The following ABCA8 variants were observed in gnomAD, a reference collection of about 807,000 sequenced individuals.
ABCA8 encodes the protein ABC-type organic anion transporter ABCA8.
ABCA8 carries 177 observed loss-of-function variants against 192.3 expected under a neutral mutation model. The observed-to-expected ratio is 0.92, with a 90% CI of 0.81 to 1.04. The LOEUF (loss-of-function observed/expected upper bound fraction) is 1.04. Ranked by LOEUF, ABCA8 falls within the 50% of genes least tolerant of loss-of-function variation. The pLI is 0.00. For missense variants in ABCA8, 1,915 were observed against 1,904.8 expected, an observed-to-expected ratio of 1.01 and a Z score of -0.10; for synonymous variants, 642 against 690.2, an observed-to-expected ratio of 0.93 and a Z score of 1.09.
chr17:68,917,073 T>C (rs1240370392), intron 17 of ABCA8, among the ~76,000 whole-genome samples: 6 of 151,812 alleles, frequency 4.0e-5, no homozygotes, highest in African/African-American at 1.5e-4. Context: ...ATCGAGACCA[T>C]CCTGGCCAAC....
chr17:68,919,602 A>G lies in ABCA8; in HGVS notation c.1613-126T>C, dbSNP rs77533667. ...TACAATTCAGGCATTAGAAACTTCT[A>G]CTTTAGTTGCATAGTATATTCAAAA... On this transcript the variant is annotated intron_variant, in intron 13 of 39. Transcript: ENST00000586539. 198 of 801,182 alleles carry G rather than the reference A, an allele frequency of 2.5e-4. No homozygotes were observed. In the African/African-American group the frequency reaches 3.2e-3, roughly 13 times the overall value. 49.6% of individuals were successfully genotyped at this position (801,182 alleles called of 1,614,324 possible).
At chr17:68,903,527 A>C in intron 19 of ABCA8, 28 bp from the exon 20 acceptor site, 4 of 1,606,936 alleles carry the variant, frequency 2.5e-6, no homozygotes, top group Non-Finnish European at 2.6e-6. Context: ...AGCAACTCAT[A>C]TGTACTTTAT....
In ABCA8 at chr17:68,875,321, G is replaced by A. The variant is rs2066170142; in HGVS notation, c.4570C>T (p.Gln1524Ter). 3.1e-6 allele frequency: 5 copies of A among 1,613,948 alleles called. No individual in the cohort carries two copies. Among genetic ancestry groups the A allele is most frequent in the Admixed American group, 3.3e-5 (2 of 60,004 alleles). The change falls in exon 37 of 40, where the codon CAA (glutamine) becomes TAA (stop). Residue 1524 changes from glutamine (Q) to a stop codon, truncating the protein, a stop_gained. Coordinates refer to ENST00000586539, the MANE Select transcript of ABCA8 (RefSeq NM_001288985.2). LOFTEE classifies it high-confidence loss of function. ...ATCTCTGCATGGAGGGGCTCCACTT[G>A]TGCCAGGTTCTTCACCTTCATCTCC... Reference protein sequence around the residue: ...LLEMKVKNLAQVEPLHAEILR... With the variant: ...LLEMKVKNLA
Position 68,901,515 on chromosome 17 carries a change from T to C in ABCA8, c.2764+1198A>G, listed in dbSNP as rs117187283. 3.3e-5 allele frequency among the ~76,000 whole-genome samples: 5 copies of C among 152,162 alleles called. No individual in the cohort carries two copies. In the East Asian group the frequency reaches 9.6e-4, roughly 29 times the overall value. ...CGTAGAAACTGGAATCCTCAAAAAT[T>C]GCTGATGTGAGGCCGGGCGCGGTGG... On this transcript the variant is annotated intron_variant, in intron 21 of 39. Coordinates refer to ENST00000586539, the MANE Select transcript of ABCA8 (RefSeq NM_001288985.2).
chr17:68,919,097 A>G (rs766699602), intron 14 of ABCA8, among the ~76,000 whole-genome samples: 3 of 151,808 alleles, frequency 2.0e-5, no homozygotes, highest in Non-Finnish European at 4.4e-5. Flanking sequence ...GCTATGAGGA[A>G]TAAATGATTT....
At chr17:68,890,744 C>G (rs1452189927) in intron 24 of ABCA8, among the ~76,000 whole-genome samples, 3 of 152,206 alleles carry the variant, frequency 2.0e-5, no homozygotes, top group Non-Finnish European at 2.9e-5. Flanking sequence ...GTGTCAAACT[C>G]CTGATCTCAG....
At chr17:68,925,510 T>G (rs1451618169) in intron 10 of ABCA8, among the ~76,000 whole-genome samples, 1 of 152,238 alleles carries the variant, frequency 6.6e-6, no homozygotes, top group Non-Finnish European at 1.5e-5. Context: ...TGTATTAGTA[T>G]TCTATGATCA....
chr17:68,951,955 T>C (rs8072891), intron 1 of ABCA8, among the ~76,000 whole-genome samples: 83,690 of 151,952 alleles, frequency 0.55, 23,422 homozygotes, highest in Middle Eastern at 0.6. Context: ...CCTACTTTTC[T>C]TTTGCTTCTA....
At chr17:68,910,299 G>C (rs1211099393) in intron 17 of ABCA8, among the ~76,000 whole-genome samples, 1 of 152,202 alleles carries the variant, frequency 6.6e-6, no homozygotes, top group African/African-American at 2.4e-5. Flanking sequence ...GGCACAGAGA[G>C]AGAATGTTGT....
At chr17:68,906,899 C>T (rs1188887025) in intron 18 of ABCA8, among the ~76,000 whole-genome samples, 1 of 152,102 alleles carries the variant, frequency 6.6e-6, no homozygotes, top group Non-Finnish European at 1.5e-5. Context: ...TTAAATCAAG[C>T]TTAAATAAAA....
intron 9 of ABCA8, among the ~76,000 whole-genome samples, chr17:68,928,533 A>G (rs1486868760): frequency 6.6e-6 from 1 of 152,208 alleles, no homozygotes; most frequent in East Asian, 1.9e-4. Context: ...TTTGTTAAAC[A>G]CTAAATAATG....
intron 7 of ABCA8, among the ~76,000 whole-genome samples, chr17:68,931,467 C>A (rs544094828): frequency 1.3e-5 from 2 of 152,188 alleles, no homozygotes; most frequent in East Asian, 3.9e-4. Flanking sequence ...CTGTAAAATT[C>A]TGCATTTGGC....
At chr17:68,887,919 T>TTATGGATATTATATGG (rs1567830658) in intron 24 of ABCA8, among the ~76,000 whole-genome samples, 2 of 22,920 alleles carry the variant, frequency 8.7e-5, no homozygotes, top group African/African-American at 5.9e-4. Context: ...CATATATATA[T>TTATGGATATTATATGG]ATATATTATA....
At chr17:68,954,490 T>C (rs2068659155) in intron 1 of ABCA8, among the ~76,000 whole-genome samples, 1 of 152,190 alleles carries the variant, frequency 6.6e-6, no homozygotes, top group South Asian at 2.1e-4. Flanking sequence ...ATGAATACTT[T>C]ATTATACATA....
At chr17:68,948,158 G>C (rs573101093) in intron 2 of ABCA8, among the ~76,000 whole-genome samples, 2 of 152,300 alleles carry the variant, frequency 1.3e-5, no homozygotes, top group Non-Finnish European at 2.9e-5. Context: ...TTGGGCATTT[G>C]GGTTGGTTCC....
chr17:68,907,699 A>G (rs375602726), intron 18 of ABCA8, 41 bp downstream of exon 18: 3 of 1,504,400 alleles, frequency 2.0e-6, no homozygotes, highest in African/African-American at 2.8e-5. Flanking sequence ...GATGATGACT[A>G]TTATTCACAT....
rs545438229 is a variant in ABCA8 at position 68,924,707 on chromosome 17, G to T, written c.1436C>A (p.Ala479Asp). The change falls in exon 11 of 40, where the codon GCC becomes GAC. Residue 479 changes from alanine to aspartate, a missense_variant. By Grantham distance (126) the Ala-to-Asp change is moderately radical (BLOSUM62 -2). Coordinates refer to ENST00000586539, the MANE Select transcript of ABCA8 (RefSeq NM_001288985.2). ...QAPPEFQGKE[A>D]IRIRNVTKEY... ...CCACCTGCAGCCTTATTACCTGATG[G>T]CTTCTTTCCCTTGGAATTCTGGAGG... 2.9e-5 allele frequency: 46 copies of T among 1,612,462 alleles called. No homozygotes were observed. The highest frequency in any genetic ancestry group is 1.1e-4 in the South Asian group (10 of 90,870).
rs2066172177 is a variant in ABCA8, at chr17:68,875,381, GT to G, written c.4509del (p.Gln1503HisfsTer3). On this transcript the variant is annotated frameshift_variant, in exon 37 of 40. Coordinates refer to ENST00000586539, the MANE Select transcript of ABCA8 (RefSeq NM_001288985.2). LOFTEE classifies it high-confidence loss of function. ...TCTTTGCCAAATTTGCTTTTCAGGT[GT>G]TGGATGGAACCGATACATCTGGAGG... is the stretch of plus-strand genomic sequence containing the variant. ...SGRLRCIGSI[Q>X]HLKSKFGKDY... The G allele has an allele frequency of 1.9e-6, 3 of 1,614,004 alleles. No individual in the cohort carries two copies. Among genetic ancestry groups the G allele is most frequent in the Non-Finnish European group, 2.5e-6 (3 of 1,180,002 alleles).
intron 19 of ABCA8, 33 bp downstream of exon 19, chr17:68,906,011 T>G: frequency 1.3e-6 from 2 of 1,528,282 alleles, no homozygotes; most frequent in Non-Finnish European, 8.8e-7. Context: ...AAATATGTGC[T>G]TTTACATAAT....
Sources: gnomAD v4.1 joint callset for allele counts (sites outside exome capture counted in the v4.1 genomes callset) on GRCh38, gnomAD v4.1.1 for gene constraint, MANE v1.5 for transcripts, NCBI Gene and HGNC (gene_info 2026-07-23, HGNC 2026-07-21) for gene names.